The following SLC2A13 variants were observed in gnomAD, a reference collection of about 807,000 sequenced individuals.
SLC2A13 encodes proton myo-inositol cotransporter.
A neutral mutation model predicts 64.4 loss-of-function variants in SLC2A13; 32 were observed. That is an observed-to-expected ratio of 0.50 (90% CI 0.37 to 0.67). The LOEUF is 0.67. Ranked by LOEUF, SLC2A13 falls within the 30% of genes least tolerant of loss-of-function variation. The pLI is 0.00. For synonymous variants in SLC2A13, 338 were observed against 327.1 expected (o/e 1.03, Z -0.36); for missense variants, 743 against 829.2 (o/e 0.90, Z 1.28).
intron 3 of SLC2A13, among the ~76,000 whole-genome samples, chr12:39,997,809 T>C (rs1165906417): frequency 6.6e-6 from 1 of 152,004 alleles, no homozygotes; most frequent in African/African-American, 2.4e-5. Context: ...CCAGCCTGGG[T>C]GACAGAGCGA....
intron 6 of SLC2A13, among the ~76,000 whole-genome samples, chr12:39,843,602 C>A (rs1186021636): frequency 6.6e-6 from 1 of 152,042 alleles, no homozygotes; most frequent in East Asian, 1.9e-4. Context: ...TGTGGCCATA[C>A]AATGAGAGTA....
At chr12:39,779,581 T>A (rs1940905349) in intron 7 of SLC2A13, among the ~76,000 whole-genome samples, 2 of 152,162 alleles carry the variant, frequency 1.3e-5, no homozygotes, top group African/African-American at 4.8e-5. Context: ...ATTAAAACAC[T>A]TTTTTTGCTT....
In SLC2A13 at chr12:39,912,870, A is replaced by G. The variant is rs192717116; in HGVS notation, c.1034+38387T>C. On this transcript the variant is annotated intron_variant, in intron 4 of 9. Transcript: ENST00000280871. ...CAGGTCTAGGACAAGTACGTGGCCT[A>G]CATACAACATAGCCGTTGAACAAAT... Among the ~76,000 whole-genome samples the G allele has an allele frequency of 4.4e-4, 67 of 152,250 alleles. 1 individual carries two copies. Among genetic ancestry groups the G allele is most frequent in the African/African-American group, 1.5e-3 (62 of 41,506 alleles).
At chr12:39,877,876 G>A (rs1944231884) in intron 4 of SLC2A13, among the ~76,000 whole-genome samples, 1 of 152,190 alleles carries the variant, frequency 6.6e-6, no homozygotes, top group Non-Finnish European at 1.5e-5. Flanking sequence ...GTAGTCCCCA[G>A]TGCTGAGGTA....
At chr12:39,899,026 C>T (rs1945007239) in intron 4 of SLC2A13, among the ~76,000 whole-genome samples, 1 of 151,948 alleles carries the variant, frequency 6.6e-6, no homozygotes, top group African/African-American at 2.4e-5. Flanking sequence ...CCCTCTTTTT[C>T]TATTGATTGG....
At chr12:40,037,686 T>C (rs898161188) in intron 2 of SLC2A13, among the ~76,000 whole-genome samples, 1 of 151,884 alleles carries the variant, frequency 6.6e-6, no homozygotes, top group Non-Finnish European at 1.5e-5. Context: ...TGCAGGTAAC[T>C]TATTAATAAT....
At chr12:40,046,233 G>C (rs150824866) in intron 2 of SLC2A13, among the ~76,000 whole-genome samples, 43 of 152,312 alleles carry the variant, frequency 2.8e-4, no homozygotes, top group Non-Finnish European at 4.9e-4. Context: ...GTAAAAAACA[G>C]ATTTGAATCC....
At chr12:39,817,868 A>G (rs1258087598) in intron 7 of SLC2A13, among the ~76,000 whole-genome samples, 2 of 152,178 alleles carry the variant, frequency 1.3e-5, no homozygotes, top group Non-Finnish European at 2.9e-5. Context: ...ACAAATGAGA[A>G]TACTCACTAC....
At chr12:40,049,666 T>C (rs976259912) in intron 1 of SLC2A13, among the ~76,000 whole-genome samples, 1 of 152,158 alleles carries the variant, frequency 6.6e-6, no homozygotes, top group Non-Finnish European at 1.5e-5. Flanking sequence ...CCTAATGCCA[T>C]AACAGTTGTA....
At chr12:39,800,255 T>G (rs1466965635) in intron 7 of SLC2A13, among the ~76,000 whole-genome samples, 1 of 152,200 alleles carries the variant, frequency 6.6e-6, no homozygotes, top group Non-Finnish European at 1.5e-5. Context: ...CTAGAATCTC[T>G]TCTGAGAATA....
intron 3 of SLC2A13, among the ~76,000 whole-genome samples, chr12:39,966,767 C>A (rs1267899225): frequency 2.6e-5 from 4 of 152,078 alleles, no homozygotes; most frequent in African/African-American, 9.7e-5. Context: ...AAGGAGAATT[C>A]GAAAGATACG....
At chr12:39,823,999 T>C (rs1942597022) in intron 7 of SLC2A13, among the ~76,000 whole-genome samples, 1 of 152,202 alleles carries the variant, frequency 6.6e-6, no homozygotes, top group African/African-American at 2.4e-5. Context: ...TGGAACATCA[T>C]ATCCTCTCAT....
chr12:39,916,903 A>C (rs929859930), intron 4 of SLC2A13, among the ~76,000 whole-genome samples: 39 of 152,114 alleles, frequency 2.6e-4, no homozygotes, highest in South Asian at 4.1e-4. Flanking sequence ...CTTCCCAAAC[A>C]TATACGGTGG....
At chr12:39,762,889 G>C (rs571707289) in intron 9 of SLC2A13, among the ~76,000 whole-genome samples, 3 of 145,944 alleles carry the variant, frequency 2.1e-5, no homozygotes, top group Non-Finnish European at 4.5e-5. Context: ...TTCTGCTTAT[G>C]CCCTATTTAA....
At chr12:40,103,586 T>C (rs950939796) in intron 1 of SLC2A13, among the ~76,000 whole-genome samples, 10 of 152,198 alleles carry the variant, frequency 6.6e-5, no homozygotes, top group Non-Finnish European at 1.2e-4. Context: ...TTTTAACCAA[T>C]ACCTGCCATA....
At chr12:39,950,305 A>AT (rs1946205308) in intron 4 of SLC2A13, 1 of 152,206 alleles carries the variant, frequency 6.6e-6, no homozygotes, top group African/African-American at 2.4e-5. Context: ...TTAATTTTAC[A>AT]TAATTTGTAT....
chr12:39,970,934 A>T (rs532194624), intron 3 of SLC2A13, among the ~76,000 whole-genome samples: 1 of 152,138 alleles, frequency 6.6e-6, no homozygotes, highest in Non-Finnish European at 1.5e-5. Context: ...CATGTAACGG[A>T]CTGCATTTTT....
At chr12:40,088,146 T>C (rs1565622495) in intron 1 of SLC2A13, among the ~76,000 whole-genome samples, 1 of 152,158 alleles carries the variant, frequency 6.6e-6, no homozygotes, top group Non-Finnish European at 1.5e-5. Flanking sequence ...GTAAATGGCA[T>C]AACATTTCTT....
chr12:39,789,501 C>T (rs1046370679), intron 7 of SLC2A13, among the ~76,000 whole-genome samples: 6 of 152,136 alleles, frequency 3.9e-5, no homozygotes, highest in Non-Finnish European at 7.4e-5. Flanking sequence ...CTGCTATGCA[C>T]ATATTTTTAA....
Sources: gnomAD v4.1 joint callset for allele counts (sites outside exome capture counted in the v4.1 genomes callset) on GRCh38, gnomAD v4.1.1 for gene constraint, MANE v1.5 for transcripts, NCBI Gene and HGNC (gene_info 2026-07-23, HGNC 2026-07-21) for gene names.